MSL2: variants seen among roughly 807,000 people sequenced by gnomAD.
The protein encoded by MSL2 is E3 ubiquitin-protein ligase MSL2.
MSL2 carries 2 observed loss-of-function variants against 35.8 expected under a neutral mutation model. The observed-to-expected ratio is 0.06, with a 90% CI of 0.02 to 0.18. The LOEUF (loss-of-function observed/expected upper bound fraction) is 0.18. Among genes scored for constraint, MSL2 ranks in the 10% least tolerant of loss-of-function variants. The probability of loss-of-function intolerance (pLI) is 1.00; values close to 1 mark genes in which losing one functional copy is unlikely to be tolerated. For missense variants in MSL2, 523 were observed against 706.7 expected (o/e 0.74, Z 2.95); for synonymous variants, 296 against 255.7 (o/e 1.16, Z -1.50).
chr3:136,168,590 A>T (rs905931075), intron 1 of MSL2, among the ~76,000 whole-genome samples: 9 of 152,184 alleles, frequency 5.9e-5, no homozygotes, highest in African/African-American at 2.2e-4. Context: ...GGAGGGGAAC[A>T]TCACACATCT....
At chr3:136,184,549 G>A (rs1940458799) in intron 1 of MSL2, among the ~76,000 whole-genome samples, 1 of 151,724 alleles carries the variant, frequency 6.6e-6, no homozygotes, top group Non-Finnish European at 1.5e-5. Context: ...GTTGCAGCGA[G>A]CCGAGATCCC....
At chr3:136,159,167 T>C (rs1434412585) in intron 1 of MSL2, among the ~76,000 whole-genome samples, 1 of 152,060 alleles carries the variant, frequency 6.6e-6, no homozygotes, top group South Asian at 2.1e-4. Context: ...TTACAGGACT[T>C]ACACTACCAA....
chr3:136,180,983 C>T (rs770350316), intron 1 of MSL2, among the ~76,000 whole-genome samples: 29 of 149,820 alleles, frequency 1.9e-4, no homozygotes, highest in South Asian at 4.2e-4. Context: ...GAAATTCTGA[C>T]TCTATTAAAT....
chr3:136,167,102 G>GTTTA, intron 1 of MSL2, among the ~76,000 whole-genome samples: 1 of 152,200 alleles, frequency 6.6e-6, no homozygotes, highest in East Asian at 1.9e-4. Flanking sequence ...CTAATACTTA[G>GTTTA]CAAAATTTGT....
At chr3:136,188,655 G>T (rs1940591127) in intron 1 of MSL2, among the ~76,000 whole-genome samples, 1 of 150,898 alleles carries the variant, frequency 6.6e-6, no homozygotes, top group Non-Finnish European at 1.5e-5. Context: ...GGACGATGAG[G>T]TGGGAGGACT....
At chr3:136,166,285 G>A (rs1939849624) in intron 1 of MSL2, among the ~76,000 whole-genome samples, 1 of 152,024 alleles carries the variant, frequency 6.6e-6, no homozygotes, top group South Asian at 2.1e-4. Context: ...CTACTCAGGA[G>A]GCTGAGGCAG....
chr3:136,149,422 CAAAT>C lies in MSL2; in HGVS notation c.*1721_*1724del, dbSNP rs1168913582. 1 of 152,354 alleles carries C rather than the reference CAAAT, an allele frequency of 6.6e-6. No individual in the cohort carries two copies. Among genetic ancestry groups the C allele is most frequent in the African/African-American group, 2.4e-5 (1 of 41,380 alleles). The allele number at this position is 152,354 out of a possible 1,614,324, so 9.4% of individuals were successfully genotyped here. A position where few individuals can be genotyped will look rare whatever the true frequency, so the allele number is the denominator to read the frequency against. ...AAATAAAATTCCAAATCTTGGAAAG[CAAAT>C]AAAGACAAGACAACTAAGAAGCATT... On this transcript the variant is annotated 3_prime_UTR_variant, in exon 2 of 2. Transcript: ENST00000309993.
rs900532841 is a variant in MSL2 at position 136,150,450 on chromosome 3, G to A, written c.*697C>T. The A allele has an allele frequency of 1.3e-5, 2 of 152,536 alleles. No homozygotes were observed. The highest frequency in any genetic ancestry group is 4.8e-5 in the African/African-American group (2 of 41,420). The allele number at this position is 152,536 out of a possible 1,614,324, so 9.4% of individuals were successfully genotyped here. On this transcript the variant is annotated 3_prime_UTR_variant, in exon 2 of 2. Coordinates refer to ENST00000309993, the MANE Select transcript of MSL2 (RefSeq NM_018133.4). ...CTACTCTCCTTCATTTATCCAATTA[G>A]AACACTGCTCAAAGTGAAGGAGGGA...
At chr3:136,157,245 G>A (rs938756514) in intron 1 of MSL2, among the ~76,000 whole-genome samples, 2 of 151,940 alleles carry the variant, frequency 1.3e-5, no homozygotes, top group African/African-American at 2.4e-5. Flanking sequence ...CTGAGGTCAG[G>A]AAGGCGGGCC....
chr3:136,181,973 G>A (rs1171570309), intron 1 of MSL2, among the ~76,000 whole-genome samples: 3 of 150,874 alleles, frequency 2.0e-5, no homozygotes, highest in African/African-American at 4.9e-5. Flanking sequence ...AAACTTACGT[G>A]GGCTGAAGAA....
At chr3:136,172,743 T>C (rs1246686970) in intron 1 of MSL2, among the ~76,000 whole-genome samples, 1 of 152,112 alleles carries the variant, frequency 6.6e-6, no homozygotes, top group Admixed American at 6.6e-5. Flanking sequence ...AATCTGACTA[T>C]ACAAATGTGT....
At chr3:136,188,551 A>T (rs1576376816) in intron 1 of MSL2, among the ~76,000 whole-genome samples, 1 of 152,040 alleles carries the variant, frequency 6.6e-6, no homozygotes, top group South Asian at 2.1e-4. Flanking sequence ...GGAATTCAAG[A>T]CCAGCCTGGA....
At chr3:136,188,738 A>T (rs1940594788) in intron 1 of MSL2, among the ~76,000 whole-genome samples, 1 of 150,818 alleles carries the variant, frequency 6.6e-6, no homozygotes, top group African/African-American at 2.5e-5. Context: ...AAAAAAAAAA[A>T]AAAAAAAAGT....
At chr3:136,159,117 TCA>T (rs1212876542) in intron 1 of MSL2, among the ~76,000 whole-genome samples, 1 of 152,106 alleles carries the variant, frequency 6.6e-6, no homozygotes. Context: ...TCATATGGAA[TCA>T]CAGAGGACAG....
At chr3:136,186,483 G>A (rs61791757) in intron 1 of MSL2, among the ~76,000 whole-genome samples, 32,107 of 152,060 alleles carry the variant, frequency 0.21, 3,468 homozygotes, top group Middle Eastern at 0.3. Context: ...AAGTGAACTG[G>A]GTCCAGCAAG....
intron 1 of MSL2, among the ~76,000 whole-genome samples, chr3:136,191,220 G>A: frequency 6.6e-6 from 1 of 152,134 alleles, no homozygotes; most frequent in South Asian, 2.1e-4. Flanking sequence ...TGTAATCCCA[G>A]CACTTTGGAA....
At chr3:136,185,320 T>G (rs1417164630) in intron 1 of MSL2, among the ~76,000 whole-genome samples, 1 of 145,062 alleles carries the variant, frequency 6.9e-6, no homozygotes, top group Non-Finnish European at 1.5e-5. Flanking sequence ...AAAAAAAAAG[T>G]CTGGAAATCA....
rs2108104009 is a variant in MSL2 at position 136,195,870 on chromosome 3, AGGGGGCGGGG to A, written c.-767_-758del. On this transcript the variant is annotated 5_prime_UTR_variant, in exon 1 of 2. Coordinates refer to ENST00000309993, the MANE Select transcript of MSL2 (RefSeq NM_018133.4). ...GCGCGGGCCGCCGCCGGCGGGCGGG[AGGGGGCGGGG>A]GGCAAGCCCGGCCGGGCCGCGGCGG... 2.1e-6 allele frequency: 2 copies of A among 947,984 alleles called. No individual in the cohort carries two copies. The highest frequency in any genetic ancestry group is 2.5e-6 in the Non-Finnish European group (2 of 798,964). The allele number at this position is 947,984 out of a possible 1,614,324, so 58.7% of individuals were successfully genotyped here. A position where few individuals can be genotyped will look rare whatever the true frequency, so the allele number is the denominator to read the frequency against.
chr3:136,180,763 AGGGAGGGAGGGAGG>A (rs1940320638), intron 1 of MSL2, among the ~76,000 whole-genome samples: 22 of 28,856 alleles, frequency 7.6e-4, no homozygotes, highest in African/African-American at 2.5e-3. Flanking sequence ...GGAGGGAAGG[AGGGAGGGAGGGAGG>A]GAGGGAGGGA....
Sources: gnomAD v4.1 joint callset for allele counts (sites outside exome capture counted in the v4.1 genomes callset) on GRCh38, gnomAD v4.1.1 for gene constraint, MANE v1.5 for transcripts, NCBI Gene and HGNC (gene_info 2026-07-23, HGNC 2026-07-21) for gene names.